NRXN3: variants seen among roughly 807,000 people sequenced by gnomAD.
The protein encoded by NRXN3 is neurexin III.
In NRXN3, 32 loss-of-function variants were observed where a neutral mutation model predicts 137.6. The observed-to-expected ratio is 0.23, with a 90% CI of 0.18 to 0.31. The LOEUF (loss-of-function observed/expected upper bound fraction) is 0.31, where lower values mean the gene tolerates loss of function less well. NRXN3 is among the 10% of genes least tolerant of loss of function. The probability of loss-of-function intolerance (pLI) is 1.00; values close to 1 mark genes in which losing one functional copy is unlikely to be tolerated. For synonymous variants in NRXN3, 798 were observed against 784.5 expected, an observed-to-expected ratio of 1.02 and a Z score of -0.29; for missense variants, 1,574 against 2,062.5, an observed-to-expected ratio of 0.76 and a Z score of 4.59.
chr14:78,256,530 C>A (rs2069639774), intron 2 of NRXN3, among the ~76,000 whole-genome samples: 1 of 152,176 alleles, frequency 6.6e-6, no homozygotes, highest in Non-Finnish European at 1.5e-5. Flanking sequence ...CCAGGCCCAC[C>A]CTCATGTTTG....
intron 15 of NRXN3, among the ~76,000 whole-genome samples, chr14:79,075,213 T>G (rs2045770994): frequency 6.6e-6 from 1 of 152,194 alleles, no homozygotes; most frequent in Admixed American, 6.5e-5. Flanking sequence ...ATTTGACCAC[T>G]AGATTTTTAC....
chr14:79,723,438 C>T (rs546832562), intron 19 of NRXN3, among the ~76,000 whole-genome samples: 5 of 152,206 alleles, frequency 3.3e-5, no homozygotes, highest in Admixed American at 6.5e-5. Context: ...AATTGTTGGG[C>T]GCATTGTAGC....
intron 10 of NRXN3, among the ~76,000 whole-genome samples, chr14:78,823,778 C>T (rs559702893): frequency 5.5e-4 from 83 of 152,036 alleles, no homozygotes; most frequent in South Asian, 1.9e-3. Flanking sequence ...TGAATATTTA[C>T]GGAGGAGAAC....
At chr14:79,788,810 T>C (rs909012855) in intron 19 of NRXN3, among the ~76,000 whole-genome samples, 2 of 152,208 alleles carry the variant, frequency 1.3e-5, no homozygotes, top group Non-Finnish European at 2.9e-5. Flanking sequence ...AAGGGAGCAT[T>C]TTATTTTTCA....
chr14:79,445,084 G>T (rs762690121), intron 15 of NRXN3, among the ~76,000 whole-genome samples: 3 of 152,144 alleles, frequency 2.0e-5, no homozygotes, highest in Non-Finnish European at 4.4e-5. Context: ...GCTCATGCCT[G>T]TAATCCCAGC....
intron 19 of NRXN3, among the ~76,000 whole-genome samples, chr14:79,706,058 C>CTGTT (rs1294052978): frequency 6.6e-6 from 1 of 152,156 alleles, no homozygotes; most frequent in African/African-American, 2.4e-5. Context: ...ATCCAAGCCC[C>CTGTT]TGTTTCCCAG....
intron 14 of NRXN3, among the ~76,000 whole-genome samples, chr14:78,981,377 G>A (rs2099489069): frequency 6.6e-6 from 1 of 152,218 alleles, no homozygotes; most frequent in Admixed American, 6.5e-5. Flanking sequence ...ACATCCGTGA[G>A]AGGTTAGGTG....
chr14:79,097,996 A>G (rs1338334986), intron 15 of NRXN3, among the ~76,000 whole-genome samples: 1 of 152,164 alleles, frequency 6.6e-6, no homozygotes, highest in South Asian at 2.1e-4. Flanking sequence ...ATACCCCAAC[A>G]AAGTGTTTGT....
intron 4 of NRXN3, chr14:78,526,897 A>C (rs2096388850): frequency 2.4e-6 from 1 of 425,008 alleles, no homozygotes; most frequent in African/African-American, 2.0e-5. Context: ...CAGTTTTCAC[A>C]CCTGGCTGTA....
intron 15 of NRXN3, among the ~76,000 whole-genome samples, chr14:79,359,570 CTTTTTTT>C: frequency 9.5e-6 from 1 of 105,498 alleles, no homozygotes; most frequent in South Asian, 3.1e-4. Flanking sequence ...AACATTTAGT[CTTTTTTT>C]TTTTTTTTTT....
chr14:78,407,783 A>G (rs1442947305), intron 4 of NRXN3, among the ~76,000 whole-genome samples: 2 of 152,162 alleles, frequency 1.3e-5, no homozygotes, highest in Non-Finnish European at 2.9e-5. Flanking sequence ...TAGTCAACGA[A>G]GTCGTATTGA....
chr14:79,808,161 C>T (rs914665548), intron 20 of NRXN3, among the ~76,000 whole-genome samples: 4 of 151,046 alleles, frequency 2.6e-5, no homozygotes, highest in South Asian at 2.1e-4. Context: ...TGCTTGAACC[C>T]GGGAGGCAGA....
In NRXN3 at chr14:79,429,999, T is replaced by C. The variant is rs180788340; in HGVS notation, c.3263-37222T>C. Among the ~76,000 whole-genome samples the C allele has an allele frequency of 3.5e-3, 532 of 151,936 alleles. 1 individual carries two copies. The highest frequency in any genetic ancestry group is 0.012 in the African/African-American group (497 of 41,256). On this transcript the variant is annotated intron_variant, in intron 15 of 20. Transcript: ENST00000335750. Reference sequence around the variant, plus strand: ...GAAAAAAAAAAAGAATACTTCAAAATTAAGTTTTTTCCATCTAGGATCTCA... The same window carrying C: ...GAAAAAAAAAAAGAATACTTCAAAACTAAGTTTTTTCCATCTAGGATCTCA...
intron 4 of NRXN3, among the ~76,000 whole-genome samples, chr14:78,452,155 A>C (rs982047156): frequency 6.6e-6 from 1 of 152,210 alleles, no homozygotes; most frequent in Non-Finnish European, 1.5e-5. Context: ...TGGTACTGAT[A>C]TTATGATGCC....
intron 16 of NRXN3, among the ~76,000 whole-genome samples, chr14:79,479,106 G>A (rs1355399563): frequency 2.0e-5 from 3 of 152,084 alleles, no homozygotes; most frequent in Admixed American, 1.3e-4. Flanking sequence ...AGCTACAAAC[G>A]TTACTAAATG....
At chr14:78,371,621 G>T (rs1431104944) in intron 4 of NRXN3, among the ~76,000 whole-genome samples, 1 of 152,168 alleles carries the variant, frequency 6.6e-6, no homozygotes, top group Non-Finnish European at 1.5e-5. Context: ...CCCCTAGATT[G>T]CTGTGGGGCC....
At chr14:79,026,950 TTATATATATATATATATATATATATATA>T (rs764640398) in intron 15 of NRXN3, among the ~76,000 whole-genome samples, 1,931 of 135,114 alleles carry the variant, frequency 0.014, 78 homozygotes, top group African/African-American at 0.05. Context: ...TATTATAATT[TTATATATATATATATATATATATATATA>T]TATATATATA....
intron 5 of NRXN3, 140 bp from the exon 6 acceptor site, chr14:78,651,025 C>A: frequency 1.2e-6 from 1 of 858,140 alleles, no homozygotes; most frequent in Non-Finnish European, 1.7e-6. Flanking sequence ...GCTGCACATA[C>A]CAAAATCAAA....
At chr14:78,556,063 C>T (rs1006263818) in intron 4 of NRXN3, among the ~76,000 whole-genome samples, 6 of 152,188 alleles carry the variant, frequency 3.9e-5, no homozygotes, top group African/African-American at 1.4e-4. Flanking sequence ...ACAGACCAGC[C>T]CTGCCCCTGT....
Sources: allele counts gnomAD v4.1 joint callset (sites outside exome capture counted in the v4.1 genomes callset), GRCh38; gene constraint gnomAD v4.1.1; transcripts MANE v1.5; gene names NCBI Gene and HGNC (gene_info 2026-07-23, HGNC 2026-07-21).